MTMR3: variants seen among roughly 807,000 people sequenced by gnomAD.
The protein encoded by MTMR3 is myotubularin related protein 3.
Under a neutral mutation model 132.4 loss-of-function variants are expected in MTMR3, and 32 were observed. The observed-to-expected ratio is 0.24, with a 90% CI of 0.18 to 0.32. The LOEUF is 0.32. Ranked by LOEUF, MTMR3 falls within the 10% of genes least tolerant of loss-of-function variation. The pLI, the probability that MTMR3 is intolerant of heterozygous loss-of-function variation, is 1.00. For synonymous variants in MTMR3, 556 were observed against 550.3 expected, an observed-to-expected ratio of 1.01 and a Z score of -0.14; for missense variants, 1,216 against 1,489.6, an observed-to-expected ratio of 0.82 and a Z score of 3.02.
intron 1 of MTMR3, among the ~76,000 whole-genome samples, chr22:29,884,835 A>G (rs2064637933): frequency 6.6e-6 from 1 of 152,190 alleles, no homozygotes; most frequent in African/African-American, 2.4e-5. Context: ...AAGTGTTGGG[A>G]TTATAGGCGT....
intron 1 of MTMR3, among the ~76,000 whole-genome samples, chr22:29,923,580 T>A (rs2065461436): frequency 6.6e-6 from 1 of 152,118 alleles, no homozygotes; most frequent in African/African-American, 2.4e-5. Context: ...GTTCAAGTCT[T>A]TATTAGTTTT....
chr22:29,917,313 A>G (rs938569611), intron 1 of MTMR3, among the ~76,000 whole-genome samples: 1 of 152,162 alleles, frequency 6.6e-6, no homozygotes, highest in African/African-American at 2.4e-5. Context: ...TGATAACCCA[A>G]GAAAAGATCC....
intron 1 of MTMR3, among the ~76,000 whole-genome samples, chr22:29,949,014 C>G (rs1027024081): frequency 6.6e-6 from 1 of 151,486 alleles, no homozygotes; most frequent in African/African-American, 2.4e-5. Flanking sequence ...GAGAGGATCG[C>G]TTGAGCCTGA....
chr22:29,884,303 C>T (rs1422584596), intron 1 of MTMR3, among the ~76,000 whole-genome samples: 2 of 152,188 alleles, frequency 1.3e-5, no homozygotes, highest in African/African-American at 4.8e-5. Context: ...ATATACTTTT[C>T]TAGTTAAGGT....
At position 30,019,515 on chromosome 22, in the gene MTMR3, C is replaced by T; in HGVS notation, c.1856C>T (p.Thr619Ile). Residue 619 changes from threonine to isoleucine, a missense_variant, in exon 17 of 20, where the codon ACA becomes ATA. Around this residue, in one of 7 missense-constraint regions of MTMR3, gnomAD observed 852 missense variants for 852.0 expected, o/e 1.00. Coordinates refer to ENST00000401950, the MANE Select transcript of MTMR3 (RefSeq NM_021090.4). ...PKTRSYDNLT[T>I]ACDNTVPLAS... ...ACTAGATCATACGACAATCTGACCA[C>T]AGCCTGTGACAACACAGTGCCTCTG... 1 of 1,609,884 alleles carries T rather than the reference C, an allele frequency of 6.2e-7. No homozygotes were observed. Among genetic ancestry groups the T allele is most frequent in the Non-Finnish European group, 8.5e-7 (1 of 1,179,942 alleles).
At chr22:29,908,196 C>T (rs372074825) in intron 1 of MTMR3, among the ~76,000 whole-genome samples, 1 of 152,130 alleles carries the variant, frequency 6.6e-6, no homozygotes, top group African/African-American at 2.4e-5. Flanking sequence ...TTTCCTTCTA[C>T]GGACCTGGAT....
Position 30,020,102 on chromosome 22 carries a change from G to A in MTMR3, c.2443G>A (p.Asp815Asn), listed in dbSNP as rs373399619. Residue 815 changes from aspartate to asparagine, a missense_variant, in exon 17 of 20, where the codon GAT (aspartate) becomes AAT (asparagine). By Grantham distance (23) the Asp-to-Asn change is conservative. Around this residue, in one of 7 missense-constraint regions of MTMR3, gnomAD observed 852 missense variants for 852.0 expected, o/e 1.00. Transcript: ENST00000401950. ...GGAAGCAGTTCTTCCAATCCCAGTA[G>A]ATGCAAAAGTTGGCTATGGTACCTC... is the stretch of plus-strand genomic sequence containing the variant. ...REEAVLPIPV[D>N]AKVGYGTSQS... 6 of 1,614,082 alleles carry A rather than the reference G, an allele frequency of 3.7e-6. No individual in the cohort carries two copies. The highest frequency in any genetic ancestry group is 5.1e-6 in the Non-Finnish European group (6 of 1,180,046).
rs1854769984 is a variant in MTMR3, at chr22:30,026,261, G to A, written c.*460G>A. 1.2e-5 allele frequency: 2 copies of A among 163,392 alleles called. No homozygotes were observed. Among genetic ancestry groups the A allele is most frequent in the Admixed American group, 1.2e-4 (2 of 17,166 alleles). 10.1% of individuals were successfully genotyped at this position (163,392 alleles called of 1,614,324 possible). A position where few individuals can be genotyped will look rare whatever the true frequency, so the allele number is the denominator to read the frequency against. ...TCACGCCACCGCCACATCAGAGCTG[G>A]TTGGGAACCCTTTGCTGCTGGGGAG... On this transcript the variant is annotated 3_prime_UTR_variant, in exon 20 of 20. Coordinates refer to ENST00000401950, the MANE Select transcript of MTMR3 (RefSeq NM_021090.4).
chr22:30,016,939 C>A (rs2067606988), intron 15 of MTMR3: 2 of 442,000 alleles, frequency 4.5e-6, no homozygotes, highest in Non-Finnish European at 8.0e-6. Context: ...CTCTACTTTG[C>A]CACCCTAGAC....
At chr22:30,007,357 A>G in intron 10 of MTMR3, 38 bp downstream of exon 10, 1 of 1,591,080 alleles carries the variant, frequency 6.3e-7, no homozygotes, top group Non-Finnish European at 8.6e-7. Flanking sequence ...TGATTTTTAT[A>G]GCATCTAAGA....
At chr22:29,891,115 AAG>A (rs1180780955) in intron 1 of MTMR3, among the ~76,000 whole-genome samples, 2 of 142,746 alleles carry the variant, frequency 1.4e-5, no homozygotes, top group African/African-American at 4.9e-5. Context: ...AAAAGAGAAA[AAG>A]AAAAAAATTG....
intron 1 of MTMR3, among the ~76,000 whole-genome samples, chr22:29,936,373 T>C (rs908813296): frequency 6.6e-6 from 1 of 152,166 alleles, no homozygotes; most frequent in African/African-American, 2.4e-5. Context: ...CTTGTTCTTA[T>C]ATTTGCTCTA....
intron 8 of MTMR3, chr22:29,999,133 T>C (rs1601398446): frequency 5.1e-6 from 1 of 194,402 alleles, no homozygotes; most frequent in Non-Finnish European, 1.0e-5. Context: ...CTAAATAATA[T>C]TGTATTTGCC....
intron 1 of MTMR3, among the ~76,000 whole-genome samples, chr22:29,942,467 T>C (rs1053022016): frequency 2.0e-5 from 3 of 152,184 alleles, no homozygotes; most frequent in Admixed American, 6.5e-5. Flanking sequence ...TAACATCTTA[T>C]CAGGAGACAG....
intron 9 of MTMR3, chr22:30,004,454 T>C (rs2067235211): frequency 6.6e-6 from 1 of 152,222 alleles, no homozygotes; most frequent in Non-Finnish European, 1.5e-5. Flanking sequence ...AGAGGGCTGG[T>C]TGAAGAAAAA....
chr22:30,017,815 C>T (rs1477111516), intron 15 of MTMR3, 112 bp from the exon 16 acceptor site: 2 of 1,335,130 alleles, frequency 1.5e-6, no homozygotes. Context: ...TGTGGAGATC[C>T]TGTCAGCCCT....
At chr22:29,966,731 G>GCC (rs2066424983) in intron 2 of MTMR3, among the ~76,000 whole-genome samples, 1 of 22,958 alleles carries the variant, frequency 4.4e-5, no homozygotes, top group South Asian at 2.1e-3. Flanking sequence ...GTGTGCGTGT[G>GCC]TGTGTGTGTG....
intron 5 of MTMR3, chr22:29,987,581 C>T (rs2066882680): frequency 6.6e-6 from 1 of 152,154 alleles, no homozygotes; most frequent in Non-Finnish European, 1.5e-5. Context: ...CTTTTTGAAG[C>T]CAAGGGTTGA....
At chr22:29,921,460 G>A (rs1003273545) in intron 1 of MTMR3, among the ~76,000 whole-genome samples, 3 of 152,142 alleles carry the variant, frequency 2.0e-5, no homozygotes, top group Non-Finnish European at 2.9e-5. Context: ...TCTAAACCAC[G>A]TCAAGGAGTT....
Sources: gnomAD v4.1 joint callset for allele counts (sites outside exome capture counted in the v4.1 genomes callset) on GRCh38, gnomAD v4.1.1 for gene constraint, gnomAD v4.1.1 regional missense constraint, MANE v1.5 for transcripts, NCBI Gene and HGNC (gene_info 2026-07-23, HGNC 2026-07-21) for gene names.